The following ITGA9 variants were observed in gnomAD, a reference collection of about 807,000 sequenced individuals.
The protein encoded by ITGA9 is integrin subunit alpha 9, also known as integrin alpha-9.
ITGA9 carries 56 observed loss-of-function variants against 127.8 expected under a neutral mutation model. That is an observed-to-expected ratio of 0.44 (90% CI 0.35 to 0.55). The LOEUF (loss-of-function observed/expected upper bound fraction) is 0.55. Among genes scored for constraint, ITGA9 ranks in the 20% least tolerant of loss-of-function variants. The pLI is 0.00. For missense variants in ITGA9, 1,196 were observed against 1,347.1 expected (o/e 0.89, Z 1.76); for synonymous variants, 508 against 514.5 (o/e 0.99, Z 0.17).
chr3:37,599,419 T>C (rs908027620), intron 15 of ITGA9, among the ~76,000 whole-genome samples: 1 of 152,224 alleles, frequency 6.6e-6, no homozygotes, highest in African/African-American at 2.4e-5. Context: ...GGCCTGGGCT[T>C]GTTTACATGG....
chr3:37,512,116 CCTTCTTTCTTTTCTTTTCT>C (rs1698928196), intron 8 of ITGA9, among the ~76,000 whole-genome samples: 8 of 66,318 alleles, frequency 1.2e-4, no homozygotes, highest in Admixed American at 3.5e-4. Flanking sequence ...TTCCTTCCTT[CCTTCTTTCTTTTCTTTTCT>C]TTTCTTTTCT....
intron 18 of ITGA9, among the ~76,000 whole-genome samples, chr3:37,708,438 A>G (rs1477735611): frequency 6.6e-6 from 1 of 152,194 alleles, no homozygotes; most frequent in Non-Finnish European, 1.5e-5. Flanking sequence ...ACTGCAAGGG[A>G]TGTAGTTAAA....
At chr3:37,562,056 T>C (rs1270840682) in intron 15 of ITGA9, among the ~76,000 whole-genome samples, 1 of 152,224 alleles carries the variant, frequency 6.6e-6, no homozygotes, top group African/African-American at 2.4e-5. Context: ...GCTGTTGTGC[T>C]GGTGGGTCTC....
chr3:37,786,011 A>AG (rs1697036690), intron 26 of ITGA9, among the ~76,000 whole-genome samples: 1 of 40,890 alleles, frequency 2.4e-5, no homozygotes, highest in Admixed American at 2.5e-4. Context: ...TTGCAGGAGC[A>AG]GGGGGGTTGA....
Position 37,639,248 on chromosome 3 carries a change from C to G in ITGA9, c.1839+9912C>G, listed in dbSNP as rs79393560. On this transcript the variant is annotated intron_variant, in intron 16 of 27. Transcript: ENST00000264741. Reference sequence around the variant, plus strand: ...TTTTAAAAGACTATAAAGCTGGAAGCAATTCAATTGTGTGTCTACTTTATG... The same window carrying G: ...TTTTAAAAGACTATAAAGCTGGAAGGAATTCAATTGTGTGTCTACTTTATG... Among the ~76,000 whole-genome samples, 1,416 of 152,286 alleles carry G rather than the reference C, an allele frequency of 9.3e-3. 25 individuals carry two copies. Among genetic ancestry groups the G allele is most frequent in the African/African-American group, 0.033 (1,363 of 41,558 alleles).
intron 11 of ITGA9, 104 bp from the exon 12 acceptor site, chr3:37,523,417 C>G (rs1220458684): frequency 1.2e-5 from 11 of 915,692 alleles, no homozygotes; most frequent in Admixed American, 1.8e-5. Context: ...CTTTCAACAA[C>G]TTTAAGACCA....
intron 17 of ITGA9, among the ~76,000 whole-genome samples, chr3:37,662,178 G>A (rs1700542743): frequency 6.6e-6 from 1 of 152,128 alleles, no homozygotes; most frequent in Non-Finnish European, 1.5e-5. Context: ...GAGGCAGATG[G>A]ATTGCTTGAG....
chr3:37,562,255 TC>T (rs1302469644), intron 15 of ITGA9, among the ~76,000 whole-genome samples: 1 of 152,004 alleles, frequency 6.6e-6, no homozygotes, highest in African/African-American at 2.4e-5. Flanking sequence ...AATCACACAC[TC>T]CCCTCCTATT....
intron 1 of ITGA9, among the ~76,000 whole-genome samples, chr3:37,459,055 C>T (rs541973031): frequency 3.9e-5 from 6 of 152,328 alleles, no homozygotes; most frequent in Admixed American, 2.0e-4. Context: ...AATCTACAGT[C>T]TTTGAAACCA....
intron 23 of ITGA9, among the ~76,000 whole-genome samples, chr3:37,757,491 G>A (rs1333359043): frequency 6.6e-6 from 1 of 151,584 alleles, no homozygotes; most frequent in Non-Finnish European, 1.5e-5. Flanking sequence ...GTAAGACCTT[G>A]TCTCCACAAA....
rs571031098 is a variant in ITGA9 at position 37,706,537 on chromosome 3, G to C, written c.2067+22522G>C. On this transcript the variant is annotated intron_variant, in intron 18 of 27. Transcript: ENST00000264741. ...CTAAGACTTTTTTGAGAAGCATATA[G>C]AAAGTCACCTAGAAATGCTTACCTA... 4.6e-5 allele frequency among the ~76,000 whole-genome samples: 7 copies of C among 152,264 alleles called. No individual in the cohort carries two copies. The South Asian group carries it at 1.2e-3, about 27-fold the overall frequency.
chr3:37,627,264 G>T (rs986935272), intron 15 of ITGA9, among the ~76,000 whole-genome samples: 1 of 152,074 alleles, frequency 6.6e-6, no homozygotes, highest in African/African-American at 2.4e-5. Context: ...CTCCCACCCC[G>T]GGAGTCATCT....
At chr3:37,620,235 A>T (rs1700115000) in intron 15 of ITGA9, among the ~76,000 whole-genome samples, 1 of 152,166 alleles carries the variant, frequency 6.6e-6, no homozygotes, top group Admixed American at 6.5e-5. Context: ...TCGCTGGAGG[A>T]GATGGCTCCT....
intron 4 of ITGA9, among the ~76,000 whole-genome samples, chr3:37,490,975 C>CCCCCCCCTT (rs548395527): frequency 9.5e-6 from 1 of 105,104 alleles, no homozygotes. Context: ...TTCCCCCCCG[C>CCCCCCCCTT]TTTTTTTTTT....
intron 18 of ITGA9, among the ~76,000 whole-genome samples, chr3:37,706,874 G>A (rs1467425662): frequency 6.6e-6 from 1 of 152,046 alleles, no homozygotes; most frequent in African/African-American, 2.4e-5. Context: ...ACCACAATCA[G>A]TTTACTAGGA....
At chr3:37,795,422 G>A (rs1697159794) in intron 26 of ITGA9, among the ~76,000 whole-genome samples, 2 of 152,164 alleles carry the variant, frequency 1.3e-5, no homozygotes. Flanking sequence ...TGTGGTTTAG[G>A]TTCACCCACT....
intron 3 of ITGA9, among the ~76,000 whole-genome samples, chr3:37,476,461 T>C (rs1434878806): frequency 6.6e-6 from 1 of 152,218 alleles, no homozygotes; most frequent in Non-Finnish European, 1.5e-5. Context: ...GAGCATTGTT[T>C]CATCATCTGC....
rs770963736 is a variant in ITGA9, at chr3:37,785,072, G to C, written c.2883G>C (p.Glu961Asp). Residue 961 changes from glutamate to aspartate, a missense_variant, in exon 26 of 28, where the codon GAG (glutamate) becomes GAC (aspartate). Physicochemically the swap from Glu to Asp is conservative, Grantham distance 45. Transcript: ENST00000264741. ...AAATAGCTCATGGGAACCCAGAAGA[G>C]GTGACGGTGAGTCAGCCACCCCAGG... is the stretch of plus-strand genomic sequence containing the variant. Reference protein sequence around the residue: ...VVEIAHGNPEEVTVVFEALHN... With the variant: ...VVEIAHGNPEDVTVVFEALHN... 6.2e-7 allele frequency: 1 copy of C among 1,612,660 alleles called. No homozygotes were observed. Among genetic ancestry groups the C allele is most frequent in the African/African-American group, 1.3e-5 (1 of 75,030 alleles).
intron 22 of ITGA9, 57 bp downstream of exon 22, chr3:37,744,091 A>C (rs1031138108): frequency 8.8e-7 from 1 of 1,138,296 alleles, no homozygotes; most frequent in Non-Finnish European, 1.3e-6. Flanking sequence ...GGCACATGGG[A>C]TGTCTCTCCT....
Sources: allele counts gnomAD v4.1 joint callset (sites outside exome capture counted in the v4.1 genomes callset), GRCh38; gene constraint gnomAD v4.1.1; transcripts MANE v1.5; gene names NCBI Gene and HGNC (gene_info 2026-07-23, HGNC 2026-07-21).